The following COLEC10 variants were observed in gnomAD, a reference collection of about 807,000 sequenced individuals.
COLEC10 encodes collectin subfamily member 10, also known as collectin-10.
Under a neutral mutation model 28.4 loss-of-function variants are expected in COLEC10, and 22 were observed. That is an observed-to-expected ratio of 0.78 (90% CI 0.55 to 1.11). The LOEUF (loss-of-function observed/expected upper bound fraction) is 1.11. Among genes scored for constraint, COLEC10 ranks in the 50% least tolerant of loss-of-function variants. The pLI is 0.00. For synonymous variants in COLEC10, 125 were observed against 116.1 expected, an observed-to-expected ratio of 1.08 and a Z score of -0.49; for missense variants, 361 against 344.1, an observed-to-expected ratio of 1.05 and a Z score of -0.39.
At chr8:119,053,942 C>T (rs886419497) in intron 2 of COLEC10, among the ~76,000 whole-genome samples, 1 of 151,946 alleles carries the variant, frequency 6.6e-6, no homozygotes, top group Non-Finnish European at 1.5e-5. Flanking sequence ...AAATTAGGCA[C>T]AGTAAGAGCT....
At chr8:119,057,356 T>A (rs966378270) in intron 2 of COLEC10, among the ~76,000 whole-genome samples, 1 of 152,118 alleles carries the variant, frequency 6.6e-6, no homozygotes, top group Admixed American at 6.6e-5. Flanking sequence ...CCTCTTTCCT[T>A]TATAAATTAC....
At chr8:119,034,705 T>C (rs924267860) in intron 2 of COLEC10, among the ~76,000 whole-genome samples, 2 of 152,114 alleles carry the variant, frequency 1.3e-5, no homozygotes, top group African/African-American at 4.8e-5. Context: ...TGAGACTCCA[T>C]CTCAAAAAAC....
At chr8:119,094,173 G>A (rs888401338) in intron 3 of COLEC10, among the ~76,000 whole-genome samples, 5 of 152,054 alleles carry the variant, frequency 3.3e-5, no homozygotes, top group African/African-American at 7.2e-5. Context: ...AATGAGTCCC[G>A]GGGCATCCAG....
chr8:119,061,515 AC>A (rs1386047595), intron 2 of COLEC10, among the ~76,000 whole-genome samples: 1 of 152,036 alleles, frequency 6.6e-6, no homozygotes, highest in African/African-American at 2.4e-5. Flanking sequence ...GAAAATGTGA[AC>A]AACATCAAAT....
At chr8:119,046,146 A>G (rs779897129) in intron 2 of COLEC10, among the ~76,000 whole-genome samples, 18 of 152,208 alleles carry the variant, frequency 1.2e-4, no homozygotes, top group Non-Finnish European at 2.5e-4. Context: ...GTTCTGAAGG[A>G]GGAAAAAAGT....
intron 1 of COLEC10, among the ~76,000 whole-genome samples, chr8:119,072,581 A>G (rs1356569704): frequency 6.6e-6 from 1 of 152,158 alleles, no homozygotes; most frequent in Non-Finnish European, 1.5e-5. Context: ...GTTGGGCCCT[A>G]TGTTCCAATC....
chr8:118,993,812 G>A (rs1281017427), upstream of COLEC10, among the ~76,000 whole-genome samples: 1 of 152,150 alleles, frequency 6.6e-6, no homozygotes, highest in Non-Finnish European at 1.5e-5. Context: ...GATACTGGGG[G>A]TTGGGACTTC....
chr8:119,069,096 T>C (rs1350224647), intron 1 of COLEC10, among the ~76,000 whole-genome samples: 3 of 152,068 alleles, frequency 2.0e-5, no homozygotes, highest in South Asian at 2.1e-4. Context: ...AAGTAACCTG[T>C]CCTAGCTCTC....
chr8:118,969,620 G>T, the COLEC10 span, among the ~76,000 whole-genome samples: 1 of 151,834 alleles, frequency 6.6e-6, no homozygotes, highest in East Asian at 1.9e-4. Flanking sequence ...TCTAATTGTG[G>T]TACACCCAAT....
At chr8:119,073,721 T>C (rs1815168678) in intron 1 of COLEC10, among the ~76,000 whole-genome samples, 2 of 151,892 alleles carry the variant, frequency 1.3e-5, no homozygotes, top group African/African-American at 4.8e-5. Flanking sequence ...AATCAGGAAG[T>C]AGTACTAAAT....
chr8:119,107,679 C>T lies in COLEC10; in HGVS notation c.*1488C>T, dbSNP rs921149311. ...TACAGGGGCCAGGCAGATGACTTACCTAAATGAAGTGGAACACGTGGGGAC... is the reference window on the plus strand; with the variant it reads ...TACAGGGGCCAGGCAGATGACTTACTTAAATGAAGTGGAACACGTGGGGAC... On this transcript the variant is annotated 3_prime_UTR_variant, in exon 6 of 6. Transcript: ENST00000332843. Among the ~76,000 whole-genome samples the T allele has an allele frequency of 6.6e-6, 1 of 152,144 alleles. No homozygotes were observed. Among genetic ancestry groups the T allele is most frequent in the African/African-American group, 2.4e-5 (1 of 41,450 alleles).
At chr8:119,089,815 C>T (rs1815553638) in intron 2 of COLEC10, 64 bp downstream of exon 2, 6 of 1,376,190 alleles carry the variant, frequency 4.4e-6, no homozygotes, top group Admixed American at 1.8e-5. Flanking sequence ...TCTCCTGGCC[C>T]TTGCCCTGGA....
At chr8:118,974,963 C>A in the COLEC10 span, among the ~76,000 whole-genome samples, 1 of 151,926 alleles carries the variant, frequency 6.6e-6, no homozygotes, top group Non-Finnish European at 1.5e-5. Context: ...TTTTAAAGGG[C>A]AGATTTTCAT....
chr8:119,068,401 C>A (rs1815016964), intron 1 of COLEC10: 1 of 152,114 alleles, frequency 6.6e-6, no homozygotes, highest in South Asian at 2.1e-4. Context: ...CTGTGAGGAA[C>A]AATGAGAGCT....
At chr8:118,964,289 T>A in the COLEC10 span, among the ~76,000 whole-genome samples, 1 of 152,194 alleles carries the variant, frequency 6.6e-6, no homozygotes. Context: ...TTTTTGCAGA[T>A]GTCCTTTCTA....
At chr8:119,003,094 T>C (rs1440049641) in intron 1 of COLEC10, among the ~76,000 whole-genome samples, 1 of 152,106 alleles carries the variant, frequency 6.6e-6, no homozygotes, top group African/African-American at 2.4e-5. Flanking sequence ...AACAGAAAGG[T>C]ATGGGTAAAT....
chr8:118,964,205 A>G, the COLEC10 span, among the ~76,000 whole-genome samples: 1 of 152,130 alleles, frequency 6.6e-6, no homozygotes, highest in African/African-American at 2.4e-5. Context: ...AATCTTGACC[A>G]TCCTAATCCA....
chr8:119,050,511 T>C (rs1049958980), intron 2 of COLEC10, among the ~76,000 whole-genome samples: 1 of 152,242 alleles, frequency 6.6e-6, no homozygotes, highest in Non-Finnish European at 1.5e-5. Flanking sequence ...ACTTATAGTC[T>C]GATTAAATAT....
intron 1 of COLEC10, among the ~76,000 whole-genome samples, chr8:119,077,243 A>ATT (rs762180766): frequency 0.045 from 4,027 of 89,938 alleles, 403 homozygotes; most frequent in African/African-American, 0.096. Flanking sequence ...GTAGAGAATG[A>ATT]TTTTTTTTTT....
Sources: allele counts gnomAD v4.1 joint callset (sites outside exome capture counted in the v4.1 genomes callset), GRCh38; gene constraint gnomAD v4.1.1; transcripts MANE v1.5; gene names NCBI Gene and HGNC (gene_info 2026-07-23, HGNC 2026-07-21).